Variants in WDFY2 observed in about 807,000 individuals in gnomAD.
WDFY2 encodes the protein WD repeat and FYVE domain containing 2, also known as WD repeat and FYVE domain-containing protein 2.
Under a neutral mutation model 56.4 loss-of-function variants are expected in WDFY2, and 36 were observed. The observed-to-expected ratio is 0.64, with a 90% confidence interval of 0.49 to 0.84. The LOEUF (loss-of-function observed/expected upper bound fraction) is 0.84. Ranked by LOEUF, WDFY2 falls within the 40% of genes least tolerant of loss-of-function variation. WDFY2 has a pLI of 0.00. For synonymous variants in WDFY2, 176 were observed against 183.7 expected (o/e 0.96, Z 0.34); for missense variants, 444 against 512.2 (o/e 0.87, Z 1.29).
At chr13:51,688,824 T>G (rs965485822) in intron 3 of WDFY2, among the ~76,000 whole-genome samples, 3 of 152,332 alleles carry the variant, frequency 2.0e-5, no homozygotes, top group Admixed American at 6.5e-5. Context: ...CTATTTTTTC[T>G]TTTTAAAAAT....
At chr13:51,725,928 G>A (rs1025545954) in intron 5 of WDFY2, among the ~76,000 whole-genome samples, 2 of 151,976 alleles carry the variant, frequency 1.3e-5, no homozygotes, top group Admixed American at 1.3e-4. Flanking sequence ...TCCCTCCTTG[G>A]CCTCCCAAAG....
chr13:51,747,180 T>A (rs1953122877), intron 7 of WDFY2, among the ~76,000 whole-genome samples: 1 of 152,266 alleles, frequency 6.6e-6, no homozygotes, highest in African/African-American at 2.4e-5. Context: ...ACAGAAATTA[T>A]CTACAGATTA....
chr13:51,751,436 G>A lies in WDFY2; in HGVS notation c.831+21G>A. On this transcript the variant is annotated intron_variant, in intron 8 of 11. Transcript: ENST00000298125. ...AGGAGGTAGGTGGCACAGCAGGGTG[G>A]GGTGGGCCCTGTGGTTCTGGCCCTG... The A allele has an allele frequency of 6.2e-7, 1 of 1,607,318 alleles. No individual in the cohort carries two copies. The highest frequency in any genetic ancestry group is 8.5e-7 in the Non-Finnish European group (1 of 1,173,992).
chr13:51,671,401 G>C (rs1593967900), intron 2 of WDFY2, among the ~76,000 whole-genome samples: 1 of 152,076 alleles, frequency 6.6e-6, no homozygotes, highest in South Asian at 2.1e-4. Flanking sequence ...TTTTGATTAT[G>C]GCCATTCTTG....
chr13:51,636,118 T>G (rs540603288), intron 1 of WDFY2, among the ~76,000 whole-genome samples: 8 of 152,320 alleles, frequency 5.3e-5, no homozygotes, highest in African/African-American at 1.9e-4. Context: ...CAATCGTCCA[T>G]TAGGTAATTG....
intron 3 of WDFY2, among the ~76,000 whole-genome samples, chr13:51,688,139 A>G (rs944322389): frequency 5.3e-5 from 8 of 152,216 alleles, no homozygotes; most frequent in African/African-American, 1.9e-4. Flanking sequence ...GTCAGTACAC[A>G]GTTGCTGCTG....
intron 4 of WDFY2, among the ~76,000 whole-genome samples, chr13:51,718,121 T>G (rs574813576): frequency 1.3e-5 from 2 of 152,242 alleles, no homozygotes; most frequent in African/African-American, 4.8e-5. Flanking sequence ...TGTCTAACTC[T>G]GTTTTCATGA....
chr13:51,608,146 G>A lies in WDFY2; in HGVS notation c.137+23322G>A, dbSNP rs1954419150. Among the ~76,000 whole-genome samples, 4 of 152,170 alleles carry A rather than the reference G, an allele frequency of 2.6e-5. No individual in the cohort carries two copies. The South Asian group carries it at 8.3e-4, about 31-fold the overall frequency. On this transcript the variant is annotated intron_variant, in intron 1 of 11. Transcript: ENST00000298125. Reference sequence around the variant, plus strand: ...GGACTTCTGACCTTCAGAACTGTAAGATAATATATTTGTGTTGTTTTAAGC... The same window carrying A: ...GGACTTCTGACCTTCAGAACTGTAAAATAATATATTTGTGTTGTTTTAAGC...
At position 51,760,666 on chromosome 13, in the gene WDFY2, C is replaced by T. The variant is rs911344816; in HGVS notation, c.*897C>T. On this transcript the variant is annotated 3_prime_UTR_variant, in exon 12 of 12. Transcript: ENST00000298125. ...CACACAAAATCCTACATCAGCGGCCCTCAACCTTGTTGGCAGCAGGGACCG... is the reference window on the plus strand; with the variant it reads ...CACACAAAATCCTACATCAGCGGCCTTCAACCTTGTTGGCAGCAGGGACCG... The T allele has an allele frequency of 1.3e-5, 2 of 152,228 alleles. No homozygotes were observed. The highest frequency in any genetic ancestry group is 2.4e-5 in the African/African-American group (1 of 41,440). The allele number at this position is 152,228 out of a possible 1,614,324, so 9.4% of individuals were successfully genotyped here.
At chr13:51,721,561 A>G (rs1952491281) in intron 5 of WDFY2, among the ~76,000 whole-genome samples, 1 of 151,914 alleles carries the variant, frequency 6.6e-6, no homozygotes. Context: ...CCCTTTTGCC[A>G]CACCATGTGG....
chr13:51,600,396 A>G (rs1954250384), intron 1 of WDFY2, among the ~76,000 whole-genome samples: 1 of 152,202 alleles, frequency 6.6e-6, no homozygotes, highest in African/African-American at 2.4e-5. Context: ...CACATGGACA[A>G]CCAGGAAGTC....
chr13:51,629,979 ACTT>A (rs1225810286), intron 1 of WDFY2, among the ~76,000 whole-genome samples: 2 of 152,056 alleles, frequency 1.3e-5, no homozygotes, highest in African/African-American at 2.4e-5. Context: ...TTTCCTAACT[ACTT>A]CTTCTTTGAT....
chr13:51,646,574 T>C (rs1038764806), intron 1 of WDFY2, among the ~76,000 whole-genome samples: 25 of 152,184 alleles, frequency 1.6e-4, no homozygotes, highest in Admixed American at 9.2e-4. Context: ...GTGGTTCCAG[T>C]GTGTTTCACA....
intron 5 of WDFY2, among the ~76,000 whole-genome samples, chr13:51,724,313 C>G (rs1952557933): frequency 1.4e-5 from 2 of 147,098 alleles, no homozygotes; most frequent in South Asian, 4.4e-4. Context: ...TCTCAGCTCA[C>G]TGCAACCTCT....
At chr13:51,601,009 G>A (rs764144312) in intron 1 of WDFY2, among the ~76,000 whole-genome samples, 26 of 152,048 alleles carry the variant, frequency 1.7e-4, no homozygotes, top group Non-Finnish European at 2.2e-4. Context: ...ATGAAGAATG[G>A]GTAGGTATTT....
chr13:51,587,304 C>T (rs1324205811), intron 1 of WDFY2: 1 of 152,180 alleles, frequency 6.6e-6, no homozygotes, highest in Non-Finnish European at 1.5e-5. Context: ...TCTGTGAGTT[C>T]CCTATGGAGC....
intron 1 of WDFY2, among the ~76,000 whole-genome samples, chr13:51,619,518 C>G (rs1477302690): frequency 6.6e-6 from 1 of 151,730 alleles, no homozygotes; most frequent in East Asian, 1.9e-4. Context: ...ATAATGAAAA[C>G]TAGGACTTTC....
intron 8 of WDFY2, 107 bp from the exon 9 acceptor site, chr13:51,755,250 GT>G: frequency 9.7e-7 from 1 of 1,034,388 alleles, no homozygotes; most frequent in Non-Finnish European, 1.4e-6. Context: ...TCACACCTCT[GT>G]TTCTTTTAAA....
At chr13:51,643,839 A>G (rs915147315) in intron 1 of WDFY2, among the ~76,000 whole-genome samples, 5 of 151,892 alleles carry the variant, frequency 3.3e-5, no homozygotes, top group African/African-American at 1.2e-4. Context: ...CACTTCCTGT[A>G]TGCTAAATAC....
Sources: gnomAD v4.1 joint callset for allele counts (sites outside exome capture counted in the v4.1 genomes callset) on GRCh38, gnomAD v4.1.1 for gene constraint, MANE v1.5 for transcripts, NCBI Gene and HGNC (gene_info 2026-07-23, HGNC 2026-07-21) for gene names.